PRTG: variants seen among roughly 807,000 people sequenced by gnomAD.
PRTG encodes protogenin.
A neutral mutation model predicts 122.5 loss-of-function variants in PRTG; 67 were observed. The observed-to-expected ratio is 0.55, with a 90% confidence interval of 0.45 to 0.67. The LOEUF (loss-of-function observed/expected upper bound fraction) is 0.67, where lower values mean the gene tolerates loss of function less well. PRTG is among the 30% of genes least tolerant of loss of function. The pLI is 0.00. For missense variants in PRTG, 1,435 were observed against 1,415.4 expected (o/e 1.01, Z -0.22); for synonymous variants, 554 against 501.1 (o/e 1.11, Z -1.41).
chr15:55,728,574 G>A (rs373205872), intron 2 of PRTG, among the ~76,000 whole-genome samples: 1 of 152,072 alleles, frequency 6.6e-6, no homozygotes, highest in African/African-American at 2.4e-5. Context: ...TAAATACTTA[G>A]AAAACTAGGA....
At chr15:55,692,831 ATC>A (rs1303452830) in intron 2 of PRTG, among the ~76,000 whole-genome samples, 1 of 129,116 alleles carries the variant, frequency 7.7e-6, no homozygotes, top group African/African-American at 2.7e-5. Flanking sequence ...TTTTAATGCA[ATC>A]TCTTTTTTTT....
intron 11 of PRTG, among the ~76,000 whole-genome samples, chr15:55,660,104 G>A (rs2059401845): frequency 1.3e-5 from 2 of 151,920 alleles, no homozygotes; most frequent in African/African-American, 4.8e-5. Flanking sequence ...TATTATGTAT[G>A]TTATAAAATA....
chr15:55,709,077 C>A (rs2030266749), intron 2 of PRTG, among the ~76,000 whole-genome samples: 1 of 124,190 alleles, frequency 8.1e-6, no homozygotes. Context: ...ACCCAGGAGG[C>A]GGAGGTTGCG....
intron 18 of PRTG, among the ~76,000 whole-genome samples, chr15:55,622,570 T>C (rs2059172953): frequency 6.6e-6 from 1 of 151,812 alleles, no homozygotes; most frequent in Non-Finnish European, 1.5e-5. Flanking sequence ...TTTTTAAATT[T>C]TTAGTAGAGA....
intron 9 of PRTG, among the ~76,000 whole-genome samples, 175 bp from the exon 10 acceptor site, chr15:55,673,851 T>C (rs1042603091): frequency 2.0e-5 from 3 of 152,024 alleles, no homozygotes; most frequent in Non-Finnish European, 4.4e-5. Flanking sequence ...GAAAAAATAA[T>C]GAGGGAGGGC....
intron 2 of PRTG, among the ~76,000 whole-genome samples, chr15:55,704,945 G>GT (rs1202993810): frequency 1.3e-5 from 2 of 152,100 alleles, no homozygotes; most frequent in Non-Finnish European, 2.9e-5. Flanking sequence ...TTTTAATATT[G>GT]TAACTTTTTT....
At chr15:55,708,041 C>CTGTGTG (rs1367095993) in intron 2 of PRTG, among the ~76,000 whole-genome samples, 1 of 149,740 alleles carries the variant, frequency 6.7e-6, no homozygotes, top group Non-Finnish European at 1.5e-5. Flanking sequence ...ACCGTCTCTT[C>CTGTGTG]TGTGATGGAC....
intron 2 of PRTG, among the ~76,000 whole-genome samples, chr15:55,715,444 A>T (rs973319385): frequency 6.6e-6 from 1 of 152,204 alleles, no homozygotes; most frequent in Non-Finnish European, 1.5e-5. Flanking sequence ...AGGAATCCTT[A>T]TGCCTAAAAG....
intron 2 of PRTG, among the ~76,000 whole-genome samples, chr15:55,709,448 T>C (rs2141852037): frequency 6.6e-6 from 1 of 150,704 alleles, no homozygotes; most frequent in East Asian, 1.9e-4. Context: ...GCAACTACTT[T>C]GGAAACAGTT....
intron 11 of PRTG, among the ~76,000 whole-genome samples, chr15:55,661,011 TATGTTTTA>T (rs1198275295): frequency 1.3e-5 from 2 of 152,236 alleles, no homozygotes; most frequent in African/African-American, 2.4e-5. Flanking sequence ...ATGTGTTTTT[TATGTTTTA>T]AATCTGAAGA....
At chr15:55,738,637 A>G in intron 2 of PRTG, 1 of 625,928 alleles carries the variant, frequency 1.6e-6, no homozygotes, top group Non-Finnish European at 2.8e-6. Context: ...AAGCATAAAA[A>G]GCACACTATC....
chr15:55,628,283 G>T (rs2059206742), intron 16 of PRTG, among the ~76,000 whole-genome samples: 1 of 152,064 alleles, frequency 6.6e-6, no homozygotes, highest in Non-Finnish European at 1.5e-5. Context: ...TGTGCTACAG[G>T]GGGCACCAGC....
chr15:55,623,745 T>C (rs1190641970), intron 18 of PRTG, among the ~76,000 whole-genome samples: 2 of 152,204 alleles, frequency 1.3e-5, no homozygotes, highest in South Asian at 2.1e-4. Flanking sequence ...TTAAAAGTTA[T>C]TGTTCACAAT....
chr15:55,662,682 A>C (rs977778533), intron 11 of PRTG, among the ~76,000 whole-genome samples: 7 of 152,208 alleles, frequency 4.6e-5, no homozygotes, highest in Non-Finnish European at 1.0e-4. Flanking sequence ...CTCCACTGAG[A>C]GATACATCTC....
At chr15:55,670,651 A>C (rs754783976) in intron 11 of PRTG, among the ~76,000 whole-genome samples, 39 of 152,040 alleles carry the variant, frequency 2.6e-4, no homozygotes, top group Non-Finnish European at 4.4e-4. Flanking sequence ...CTGTAATCCC[A>C]ACACTTTGGG....
At chr15:55,722,987 T>C (rs930695014) in intron 2 of PRTG, among the ~76,000 whole-genome samples, 40 of 152,190 alleles carry the variant, frequency 2.6e-4, no homozygotes, top group African/African-American at 9.4e-4. Context: ...AACAGGAGGC[T>C]TTCTTTTGGA....
chr15:55,639,203 G>C (rs1164734085), intron 13 of PRTG, among the ~76,000 whole-genome samples: 7 of 152,060 alleles, frequency 4.6e-5, no homozygotes, highest in Non-Finnish European at 7.4e-5. Flanking sequence ...TTAAACTTCT[G>C]ACTTAAGCAA....
At chr15:55,697,702 C>G (rs903171887) in intron 2 of PRTG, among the ~76,000 whole-genome samples, 1 of 152,128 alleles carries the variant, frequency 6.6e-6, no homozygotes, top group Non-Finnish European at 1.5e-5. Context: ...GTTGGCCAAG[C>G]TGGTCTCGAA....
intron 6 of PRTG, chr15:55,679,782 T>TA: frequency 2.2e-6 from 1 of 455,146 alleles, no homozygotes; most frequent in East Asian, 3.6e-5. Context: ...GGCAAATAGG[T>TA]ACACGGATAT....
Sources: gnomAD v4.1 joint callset for allele counts (sites outside exome capture counted in the v4.1 genomes callset) on GRCh38, gnomAD v4.1.1 for gene constraint, MANE v1.5 for transcripts, NCBI Gene and HGNC (gene_info 2026-07-23, HGNC 2026-07-21) for gene names.